Variants in PTPRT observed in about 807,000 individuals in gnomAD.
PTPRT encodes the protein receptor-type tyrosine-protein phosphatase T.
Under a neutral mutation model 176.8 loss-of-function variants are expected in PTPRT, and 56 were observed. The ratio of observed to expected loss-of-function variants is 0.32; its 90% CI spans 0.26 to 0.40. PTPRT has a LOEUF of 0.40. Among genes scored for constraint, PTPRT ranks in the 10% least tolerant of loss-of-function variants. The pLI, the probability that PTPRT is intolerant of heterozygous loss-of-function variation, is 1.00. For synonymous variants in PTPRT, 783 were observed against 739.0 expected, an observed-to-expected ratio of 1.06 and a Z score of -0.96; for missense variants, 1,540 against 1,908.2, an observed-to-expected ratio of 0.81 and a Z score of 3.60.
intron 22 of PTPRT, 61 bp from the exon 23 acceptor site, chr20:42,110,548 C>T (rs2146293344): frequency 6.6e-7 from 1 of 1,521,616 alleles, no homozygotes; most frequent in South Asian, 1.3e-5. Flanking sequence ...AGCCCAGCAA[C>T]ACGTGGAGCC....
chr20:42,911,034 A>G (rs2079537480), intron 1 of PTPRT, among the ~76,000 whole-genome samples: 1 of 152,120 alleles, frequency 6.6e-6, no homozygotes, highest in African/African-American at 2.4e-5. Flanking sequence ...GGAGAGCAGC[A>G]TGGGGGAAAC....
chr20:42,339,250 C>T (rs1426272644), intron 11 of PTPRT, among the ~76,000 whole-genome samples: 1 of 152,210 alleles, frequency 6.6e-6, no homozygotes, highest in Non-Finnish European at 1.5e-5. Flanking sequence ...TTCAGATATG[C>T]TGTCAGCATG....
chr20:42,496,680 T>C (rs1280110904), intron 7 of PTPRT, among the ~76,000 whole-genome samples: 1 of 151,662 alleles, frequency 6.6e-6, no homozygotes, highest in Non-Finnish European at 1.5e-5. Flanking sequence ...TCTTTCATAA[T>C]GTCCTTGATT....
chr20:42,326,375 A>T (rs1269080062), intron 11 of PTPRT, among the ~76,000 whole-genome samples: 1 of 152,228 alleles, frequency 6.6e-6, no homozygotes, highest in African/African-American at 2.4e-5. Context: ...AGAGATACAC[A>T]TTTTAGAAAG....
intron 7 of PTPRT, among the ~76,000 whole-genome samples, chr20:42,516,018 A>G (rs1041997538): frequency 6.9e-6 from 1 of 145,618 alleles, no homozygotes; most frequent in African/African-American, 2.5e-5. Flanking sequence ...AAAACCAAAC[A>G]CCGCATATTC....
chr20:42,132,986 A>C (rs1373671481), intron 18 of PTPRT, among the ~76,000 whole-genome samples: 1 of 152,222 alleles, frequency 6.6e-6, no homozygotes, highest in Non-Finnish European at 1.5e-5. Flanking sequence ...TGGGATGATT[A>C]GACTTAGGTT....
chr20:43,180,341 ATC>A (rs71193679), intron 1 of PTPRT, among the ~76,000 whole-genome samples: 103 of 115,066 alleles, frequency 9.0e-4, no homozygotes, highest in South Asian at 5.3e-3. Context: ...AAATGAATCA[ATC>A]TCTCTCTCTC....
At chr20:42,056,009 C>T in the PTPRT span, among the ~76,000 whole-genome samples, 2 of 152,276 alleles carry the variant, frequency 1.3e-5, no homozygotes, top group Non-Finnish European at 2.9e-5. Context: ...GAATGTTCCA[C>T]CCTCCGCTGT....
intron 1 of PTPRT, among the ~76,000 whole-genome samples, chr20:43,161,107 C>T (rs755805977): frequency 2.6e-5 from 4 of 152,156 alleles, no homozygotes; most frequent in Non-Finnish European, 4.4e-5. Flanking sequence ...GAGAAAATCA[C>T]GGCCAGAGGG....
intron 11 of PTPRT, among the ~76,000 whole-genome samples, chr20:42,318,706 C>T (rs2057755995): frequency 6.6e-6 from 1 of 152,174 alleles, no homozygotes. Flanking sequence ...TGAGGGCCAG[C>T]CTATCCCTAA....
intron 7 of PTPRT, among the ~76,000 whole-genome samples, chr20:42,545,465 A>G (rs6065509): frequency 1.3e-5 from 2 of 151,852 alleles, no homozygotes; most frequent in South Asian, 4.2e-4. Context: ...CACACCCACT[A>G]TGGCGAGATT....
At chr20:43,108,125 G>A (rs1243433054) in intron 1 of PTPRT, among the ~76,000 whole-genome samples, 1 of 152,160 alleles carries the variant, frequency 6.6e-6, no homozygotes, top group Admixed American at 6.5e-5. Flanking sequence ...GGATGGGTGG[G>A]TCTTCCGACC....
chr20:42,232,974 C>T (rs778468755), intron 15 of PTPRT, among the ~76,000 whole-genome samples: 1 of 152,106 alleles, frequency 6.6e-6, no homozygotes, highest in Admixed American at 6.5e-5. Flanking sequence ...TCCTCTGCAG[C>T]ATCTGCTATG....
intron 7 of PTPRT, among the ~76,000 whole-genome samples, chr20:42,544,850 C>T (rs1312814968): frequency 6.6e-6 from 1 of 152,202 alleles, no homozygotes; most frequent in Non-Finnish European, 1.5e-5. Flanking sequence ...GACAAGGTCT[C>T]ATTATGTTGC....
In PTPRT at chr20:42,623,537, G is replaced by A. The variant is rs571963534; in HGVS notation, c.1153+54329C>T. 9.7e-4 allele frequency among the ~76,000 whole-genome samples: 147 copies of A among 152,288 alleles called. 1 individual carries two copies. The highest frequency in any genetic ancestry group is 1.9e-3 in the Admixed American group (29 of 15,290). The stretch of plus-strand genomic sequence containing the variant: ...ACACTTTCTCAAGGTTAAACTCTAC[G>A]GAATGGGATGAAATGGTGATAGAAT... On this transcript the variant is annotated intron_variant, in intron 7 of 30. Coordinates refer to ENST00000373187, the MANE Select transcript of PTPRT (RefSeq NM_007050.6).
intron 1 of PTPRT, among the ~76,000 whole-genome samples, chr20:42,905,058 T>A (rs147358782): frequency 6.6e-6 from 1 of 152,068 alleles, no homozygotes; most frequent in African/African-American, 2.4e-5. Context: ...AAAGCCAAAA[T>A]AGACAAATGG....
chr20:42,987,774 G>A (rs964095925), intron 1 of PTPRT, among the ~76,000 whole-genome samples: 2 of 152,158 alleles, frequency 1.3e-5, no homozygotes, highest in Admixed American at 6.5e-5. Flanking sequence ...AATAGTTGCA[G>A]TAATTATCAT....
intron 15 of PTPRT, among the ~76,000 whole-genome samples, chr20:42,211,746 T>C (rs2055635687): frequency 1.4e-5 from 2 of 146,918 alleles, no homozygotes; most frequent in South Asian, 4.4e-4. Flanking sequence ...TGGCGATTCC[T>C]CAGGGATCTA....
intron 6 of PTPRT, among the ~76,000 whole-genome samples, chr20:42,728,868 A>C (rs2076419040): frequency 6.6e-6 from 1 of 152,220 alleles, no homozygotes; most frequent in African/African-American, 2.4e-5. Context: ...CATCCTAGCC[A>C]CTGGCAAAAT....
Sources: gnomAD v4.1 joint callset for allele counts (sites outside exome capture counted in the v4.1 genomes callset) on GRCh38, gnomAD v4.1.1 for gene constraint, MANE v1.5 for transcripts, NCBI Gene and HGNC (gene_info 2026-07-23, HGNC 2026-07-21) for gene names.